CPN2: variants seen among roughly 807,000 people sequenced by gnomAD.
CPN2 encodes carboxypeptidase N 83 kDa chain.
For missense variants in CPN2, 620 were observed against 671.4 expected, an observed-to-expected ratio of 0.92 and a Z score of 0.85; for synonymous variants, 336 against 318.4, an observed-to-expected ratio of 1.06 and a Z score of -0.59.
At position 194,340,982 on chromosome 3, in the gene CPN2, G is replaced by C. The variant is rs948945173; in HGVS notation, c.*83C>G. 2.7e-6 allele frequency: 4 copies of C among 1,458,288 alleles called. No individual in the cohort carries two copies. Among genetic ancestry groups the C allele is most frequent in the Middle Eastern group, 2.5e-4 (1 of 3,952 alleles). 90.3% of individuals were successfully genotyped at this position (1,458,288 alleles called of 1,614,324 possible). A position where few individuals can be genotyped will look rare whatever the true frequency, so the allele number is the denominator to read the frequency against. On this transcript the variant is annotated 3_prime_UTR_variant, in exon 2 of 2. Transcript: ENST00000323830. ...CTTGCATGTGAAAAGCCAAGGCTTC[G>C]GAGACTCAGCTCCCCTCCGCCCCTA...
intron 1 of CPN2, among the ~76,000 whole-genome samples, chr3:194,350,674 G>C (rs1306976256): frequency 5.9e-5 from 9 of 152,056 alleles, no homozygotes; most frequent in Non-Finnish European, 1.3e-4. Flanking sequence ...CACGCTTCTG[G>C]GAAGGAAACC....
chr3:194,347,042 G>A (rs898633342), intron 1 of CPN2, among the ~76,000 whole-genome samples: 1 of 152,282 alleles, frequency 6.6e-6, no homozygotes, highest in South Asian at 2.1e-4. Flanking sequence ...GGAGATGGAC[G>A]CGCCCCTCCC....
chr3:194,349,111 A>G (rs534871510), intron 1 of CPN2, among the ~76,000 whole-genome samples: 68 of 152,338 alleles, frequency 4.5e-4, no homozygotes, highest in African/African-American at 1.6e-3. Context: ...CTGTAATCCC[A>G]GCACTTTGGG....
Position 194,342,277 on chromosome 3 carries a change from C to T in CPN2, c.426G>A (p.Gln142=). 1 of 1,613,844 alleles carries T rather than the reference C, an allele frequency of 6.2e-7. No individual in the cohort carries two copies. Among genetic ancestry groups the T allele is most frequent in the South Asian group, 1.1e-5 (1 of 91,062 alleles). ...GGAGGGACTCCAGGGCAGCCAGGTG[C>T]TGGAAAAGACCCTCGGGCAGAGCCT... ...MLEALPEGLF[Q]HLAALESLHL... Residue 142 remains glutamine (Q), a synonymous_variant, in exon 2 of 2, where the codon CAG becomes CAA. Coordinates refer to ENST00000323830, the MANE Select transcript of CPN2 (RefSeq NM_001080513.4).
intron 1 of CPN2, among the ~76,000 whole-genome samples, chr3:194,346,047 GT>G (rs1400733025): frequency 1.3e-5 from 2 of 152,218 alleles, no homozygotes; most frequent in Non-Finnish European, 2.9e-5. Flanking sequence ...TGATGTGGGG[GT>G]TTGGCTGAGG....
intron 1 of CPN2, among the ~76,000 whole-genome samples, chr3:194,345,682 G>A (rs148203172): frequency 2.0e-5 from 3 of 152,280 alleles, no homozygotes; most frequent in East Asian, 1.9e-4. Flanking sequence ...GCAAGGTCCC[G>A]GGGTCTTCAC....
Position 194,340,861 on chromosome 3 carries a change from A to G in CPN2, c.*204T>C. On this transcript the variant is annotated 3_prime_UTR_variant, in exon 2 of 2. Coordinates refer to ENST00000323830, the MANE Select transcript of CPN2 (RefSeq NM_001080513.4). ...TAAGGATGGCCTTGTTAGGCCGCAC[A>G]CTCCAGGAGAAGCGATGAAGGAAGA... The G allele has an allele frequency of 1.3e-6, 1 of 761,228 alleles. No homozygotes were observed. The highest frequency in any genetic ancestry group is 2.7e-5 in the East Asian group (1 of 36,422). The allele number at this position is 761,228 out of a possible 1,614,324, so 47.2% of individuals were successfully genotyped here.
In CPN2 at chr3:194,341,787, C is replaced by A; in HGVS notation, c.916G>T (p.Glu306Ter). The change falls in exon 2 of 2, where the codon GAG (glutamate) becomes TAG (stop). Residue 306 changes from glutamate (E) to a stop codon, truncating the protein, a stop_gained. Transcript: ENST00000323830. LOFTEE classifies it low-confidence loss of function (END_TRUNC). Reference protein sequence around the residue: ...LTHNQLETVAEGTFAHLSNLR... With the variant: ...LTHNQLETVA Reference sequence around the variant, plus strand: ...TTGGACAGGTGGGCAAAGGTGCCCTCAGCGACAGTCTCCAGCTGGTTATGG... The same window carrying A: ...TTGGACAGGTGGGCAAAGGTGCCCTAAGCGACAGTCTCCAGCTGGTTATGG... 6.2e-7 allele frequency: 1 copy of A among 1,613,988 alleles called. No homozygotes were observed.
intron 1 of CPN2, among the ~76,000 whole-genome samples, chr3:194,345,620 G>T (rs1356059049): frequency 1.3e-5 from 2 of 152,236 alleles, no homozygotes; most frequent in Non-Finnish European, 2.9e-5. Flanking sequence ...ACCAGACAAC[G>T]CTGGGGCCTG....
intron 1 of CPN2, among the ~76,000 whole-genome samples, chr3:194,349,822 A>T (rs1713200591): frequency 3.0e-5 from 2 of 66,754 alleles, no homozygotes; most frequent in African/African-American, 6.0e-5. Flanking sequence ...TTTTTTTGAG[A>T]CAGAGTTTCA....
At chr3:194,347,123 G>T (rs1190951301) in intron 1 of CPN2, among the ~76,000 whole-genome samples, 1 of 152,154 alleles carries the variant, frequency 6.6e-6, no homozygotes, top group African/African-American at 2.4e-5. Context: ...TCCTCATCTG[G>T]GAATAAGACC....
chr3:194,341,725 G>C lies in CPN2; in HGVS notation c.978C>G (p.Thr326=). 1 of 1,614,098 alleles carries C rather than the reference G, an allele frequency of 6.2e-7. No individual in the cohort carries two copies. The highest frequency in any genetic ancestry group is 1.3e-5 in the African/African-American group (1 of 75,012). Residue 326 remains threonine (T), a synonymous_variant, in exon 2 of 2, where the codon ACC becomes ACG. Transcript: ENST00000323830. ...CTCTGAAGATGCCAGCTGGGAGGTG[G>C]GTAATGGCATTGTATGAGAGCATGA... The part of the protein sequence containing the change: ...RSLMLSYNAI[T]HLPAGIFRDL...
At chr3:194,347,200 T>G (rs1453042086) in intron 1 of CPN2, among the ~76,000 whole-genome samples, 8 of 130,762 alleles carry the variant, frequency 6.1e-5, no homozygotes, top group African/African-American at 8.6e-5. Flanking sequence ...TTAAATGGGG[T>G]TTTTTTTTTT....
In CPN2 at chr3:194,341,013, C is replaced by T. The variant is rs375254471; in HGVS notation, c.*52G>A. On this transcript the variant is annotated 3_prime_UTR_variant, in exon 2 of 2. Transcript: ENST00000323830. ...TCAGCTCCCCTCCGCCCCTACCTGTCGCCTGGTCAGGCCCCAGAGGCCCCC... is the reference window on the plus strand; with the variant it reads ...TCAGCTCCCCTCCGCCCCTACCTGTTGCCTGGTCAGGCCCCAGAGGCCCCC... The T allele has an allele frequency of 1.6e-4, 249 of 1,519,492 alleles. 1 individual carries two copies. The African/African-American group carries it at 2.7e-3, about 17-fold the overall frequency. The allele number at this position is 1,519,492 out of a possible 1,614,324, so 94.1% of individuals were successfully genotyped here.
intron 1 of CPN2, among the ~76,000 whole-genome samples, chr3:194,350,633 A>T (rs1412473586): frequency 1.3e-5 from 2 of 152,070 alleles, no homozygotes; most frequent in African/African-American, 4.8e-5. Flanking sequence ...CTGCAGGTTT[A>T]TTTCACCACA....
At position 194,346,512 on chromosome 3, in the gene CPN2, C is replaced by T. The variant is rs540092320; in HGVS notation, c.-3-3807G>A. On this transcript the variant is annotated intron_variant, in intron 1 of 1. Transcript: ENST00000323830. ...ATTTCCAGACGGTCCACTCTCAGCC[C>T]GAGCCCCATCCTCACCTCACTCGGG... Among the ~76,000 whole-genome samples, 23 of 152,280 alleles carry T rather than the reference C, an allele frequency of 1.5e-4. 1 individual carries two copies. In the East Asian group the frequency reaches 4.1e-3, roughly 27 times the overall value.
Position 194,341,053 on chromosome 3 carries a change from T to C in CPN2, c.*12A>G, listed in dbSNP as rs1712782821. 4.4e-6 allele frequency: 7 copies of C among 1,582,806 alleles called. No individual in the cohort carries two copies. Among genetic ancestry groups the C allele is most frequent in the Admixed American group, 3.4e-5 (2 of 58,870 alleles). ...CAGAGGCCCCCTTCCCCAGCTCCTG[T>C]ATGCGCTGCTACTAGGGCCCTGCTG... On this transcript the variant is annotated 3_prime_UTR_variant, in exon 2 of 2. Coordinates refer to ENST00000323830, the MANE Select transcript of CPN2 (RefSeq NM_001080513.4).
chr3:194,348,856 G>A (rs1713152698), intron 1 of CPN2, among the ~76,000 whole-genome samples: 1 of 151,990 alleles, frequency 6.6e-6, no homozygotes, highest in Non-Finnish European at 1.5e-5. Flanking sequence ...TTGCTCTACT[G>A]CACTCCAGCG....
In CPN2 at chr3:194,347,448, G is replaced by A. The variant is rs2108650184; in HGVS notation, c.-4+3794C>T. ...GGATGTCTGCCTCACCAACGGGCCTGGATTTGGCCATTTGGGCTCCAGCTC... is the reference window on the plus strand; with the variant it reads ...GGATGTCTGCCTCACCAACGGGCCTAGATTTGGCCATTTGGGCTCCAGCTC... On this transcript the variant is annotated intron_variant, in intron 1 of 1. Transcript: ENST00000323830. Among the ~76,000 whole-genome samples the A allele has an allele frequency of 2.0e-5, 3 of 152,298 alleles. No homozygotes were observed. In the South Asian group the frequency reaches 6.2e-4, roughly 32 times the overall value.
Sources: gnomAD v4.1 joint callset for allele counts (sites outside exome capture counted in the v4.1 genomes callset) on GRCh38, gnomAD v4.1.1 for gene constraint, MANE v1.5 for transcripts, NCBI Gene and HGNC (gene_info 2026-07-23, HGNC 2026-07-21) for gene names.